The following TMEM255B variants were observed in gnomAD, a reference collection of about 807,000 sequenced individuals.
The protein encoded by TMEM255B is family with sequence similarity 70, member B.
TMEM255B carries 35 observed loss-of-function variants against 34.5 expected under a neutral mutation model. The ratio of observed to expected loss-of-function variants is 1.01; its 90% CI spans 0.77 to 1.34. The LOEUF is 1.34. Among genes scored for constraint, TMEM255B ranks in the 40% most tolerant of loss-of-function variants. TMEM255B has a pLI of 0.00. For synonymous variants in TMEM255B, 206 were observed against 201.2 expected (o/e 1.02, Z -0.20); for missense variants, 432 against 433.2 (o/e 1.00, Z 0.02).
At position 113,811,786 on chromosome 13, in the gene TMEM255B, G is replaced by C; in HGVS notation, c.864G>C (p.Glu288Asp). ...VAPSSALASS[E>D]DLQPPSPSSS... ...CCTCCTCTGCCCTGGCTTCGTCTGA[G>C]GACCTGCAGCCCCCTTCTCCAAGCA... The change falls in exon 9 of 9, where the codon GAG becomes GAC. Residue 288 changes from glutamate (E) to aspartate (D), a missense_variant. Coordinates refer to ENST00000375353, the MANE Select transcript of TMEM255B (RefSeq NM_182614.4). 4.3e-6 allele frequency: 7 copies of C among 1,613,908 alleles called. No homozygotes were observed. The highest frequency in any genetic ancestry group is 5.9e-6 in the Non-Finnish European group (7 of 1,179,894).
intron 2 of TMEM255B, chr13:113,766,576 C>T (rs1184070491): frequency 7.2e-6 from 3 of 415,064 alleles, no homozygotes; most frequent in Admixed American, 3.8e-5. Context: ...GGGCCAGAGC[C>T]CGGCAACAGG....
chr13:113,769,140 G>C lies in TMEM255B; in HGVS notation c.232G>C (p.Val78Leu). 7 of 1,614,162 alleles carry C rather than the reference G, an allele frequency of 4.3e-6. No individual in the cohort carries two copies. Among genetic ancestry groups the C allele is most frequent in the Non-Finnish European group, 5.9e-6 (7 of 1,180,008 alleles). ...SFLGIIGINL[V>L]ENRRQMLVAA... ...CTTAGGAATTATTGGCATCAACTTG[G>C]TGGAGAATAGAAGGCAAATGGTAAG... The change falls in exon 3 of 9, where the codon GTG (valine) becomes CTG (leucine). Residue 78 changes from valine to leucine, a missense_variant. Val to Leu is a conservative substitution (Grantham distance 32, BLOSUM62 1). Coordinates refer to ENST00000375353, the MANE Select transcript of TMEM255B (RefSeq NM_182614.4). This position sits in a 1 kb window ranked among gnomAD's most constrained non-coding sequence, Gnocchi z 4.2.
At chr13:113,760,056 A>C (rs1282221334) in intron 1 of TMEM255B, among the ~76,000 whole-genome samples, 1 of 152,114 alleles carries the variant, frequency 6.6e-6, no homozygotes, top group Non-Finnish European at 1.5e-5. Context: ...TTTCAGAACA[A>C]AAGAGAAACA....
At chr13:113,800,950 G>A (rs553476183) in intron 6 of TMEM255B, 38 bp downstream of exon 6, 1 of 1,205,370 alleles carries the variant, frequency 8.3e-7, no homozygotes, top group Non-Finnish European at 1.1e-6. Context: ...TACACCTGCG[G>A]GAGGTGAGGG....
intron 3 of TMEM255B, among the ~76,000 whole-genome samples, chr13:113,772,067 G>A (rs1169757480): frequency 6.6e-6 from 1 of 152,110 alleles, no homozygotes; most frequent in African/African-American, 2.4e-5. Flanking sequence ...ATCTCATTGT[G>A]GTTTTGATTG....
At chr13:113,781,938 C>T (rs2050671530) in intron 3 of TMEM255B, among the ~76,000 whole-genome samples, 1 of 152,170 alleles carries the variant, frequency 6.6e-6, no homozygotes, top group Non-Finnish European at 1.5e-5. Flanking sequence ...TTCTTTAATA[C>T]CTTTTTGCAT....
rs1566722311 is a variant in TMEM255B, at chr13:113,770,764, C to T, written c.252+1604C>T. 6.6e-6 allele frequency among the ~76,000 whole-genome samples: 1 copy of T among 152,104 alleles called. No homozygotes were observed. On this transcript the variant is annotated intron_variant, in intron 3 of 8. Coordinates refer to ENST00000375353, the MANE Select transcript of TMEM255B (RefSeq NM_182614.4). The surrounding 1 kb of genome is among the most constrained non-coding windows in gnomAD (Gnocchi z 4.6). ...ACAGAATGGTGTTGGAAACAGACGC[C>T]ACCTTTGGGAGCCAGCATGCCCCCA...
At chr13:113,778,133 A>G (rs1368099367) in intron 3 of TMEM255B, among the ~76,000 whole-genome samples, 1 of 152,242 alleles carries the variant, frequency 6.6e-6, no homozygotes. Context: ...GCCCTCCAGC[A>G]GGATCGGTGC....
rs936197876 is a variant in TMEM255B, at chr13:113,816,735, G to A, written c.*4832G>A. 4 of 152,328 alleles carry A rather than the reference G, an allele frequency of 2.6e-5. No homozygotes were observed. The highest frequency in any genetic ancestry group is 4.8e-5 in the African/African-American group (2 of 41,548). The allele number at this position is 152,328 out of a possible 1,614,324, so 9.4% of individuals were successfully genotyped here. A position where few individuals can be genotyped will look rare whatever the true frequency, so the allele number is the denominator to read the frequency against. On this transcript the variant is annotated 3_prime_UTR_variant, in exon 9 of 9. Transcript: ENST00000375353. ...TCAGCAGATCCTCAGACGGCGACACGCGCCACTTCCTTTTCTGTTTCCTAG... is the reference window on the plus strand; with the variant it reads ...TCAGCAGATCCTCAGACGGCGACACACGCCACTTCCTTTTCTGTTTCCTAG...
intron 3 of TMEM255B, among the ~76,000 whole-genome samples, chr13:113,789,040 G>A (rs1390962577): frequency 2.0e-5 from 3 of 151,900 alleles, no homozygotes; most frequent in African/African-American, 7.3e-5. Flanking sequence ...GTCTCTGCTC[G>A]AATGTCCCAG....
rs573599995 is a variant in TMEM255B, at chr13:113,815,357, A to G, written c.*3454A>G. ...ACCGGCCACGGAGAGAGGAAGGGACATGGGTGACGGTCCGTCCACATGGGG... is the reference window on the plus strand; with the variant it reads ...ACCGGCCACGGAGAGAGGAAGGGACGTGGGTGACGGTCCGTCCACATGGGG... On this transcript the variant is annotated 3_prime_UTR_variant, in exon 9 of 9. Coordinates refer to ENST00000375353, the MANE Select transcript of TMEM255B (RefSeq NM_182614.4). 3 of 149,404 alleles carry G rather than the reference A, an allele frequency of 2.0e-5. No individual in the cohort carries two copies. Among genetic ancestry groups the G allele is most frequent in the African/African-American group, 7.5e-5 (3 of 39,770 alleles). The allele number at this position is 149,404 out of a possible 1,614,324, so 9.3% of individuals were successfully genotyped here. A position where few individuals can be genotyped will look rare whatever the true frequency, so the allele number is the denominator to read the frequency against.
At chr13:113,774,585 ACAC>A (rs141880607) in intron 3 of TMEM255B, among the ~76,000 whole-genome samples, 3,005 of 126,318 alleles carry the variant, frequency 0.024, 56 homozygotes, top group Middle Eastern at 0.035. Context: ...CACACACACC[ACAC>A]AACACACAAA....
In TMEM255B at chr13:113,812,982, T is replaced by TGGGTCACAGGTCCCGGGTGGGTCACAGGC. The variant is rs1566342299; in HGVS notation, c.*1079_*1080insGGGTCACAGGTCCCGGGTGGGTCACAGGC. ...TCACGGGCCCCGGGTGGGTCACGGG[T>TGGGTCACAGGTCCCGGGTGGGTCACAGGC]CCCGGGTGGGTCACGGGTCCCGAGT... On this transcript the variant is annotated 3_prime_UTR_variant, in exon 9 of 9. Coordinates refer to ENST00000375353, the MANE Select transcript of TMEM255B (RefSeq NM_182614.4). 1.4e-4 allele frequency: 15 copies of TGGGTCACAGGTCCCGGGTGGGTCACAGGC among 110,756 alleles called. 1 individual carries two copies. Among genetic ancestry groups the TGGGTCACAGGTCCCGGGTGGGTCACAGGC allele is most frequent in the African/African-American group, 6.7e-4 (15 of 22,398 alleles). 6.9% of individuals were successfully genotyped at this position (110,756 alleles called of 1,614,324 possible).
At chr13:113,786,247 T>C (rs1038808730) in intron 3 of TMEM255B, among the ~76,000 whole-genome samples, 1 of 151,958 alleles carries the variant, frequency 6.6e-6, no homozygotes, top group Non-Finnish European at 1.5e-5. Context: ...ATTGCCATCA[T>C]CACCATCCTG....
chr13:113,815,318 G>A lies in TMEM255B; in HGVS notation c.*3415G>A, dbSNP rs1484771014. ...GAGGAAGGGACATGGGTGACGGTCC[G>A]TCCACGTGGGGTCACCGGCCACGGA... On this transcript the variant is annotated 3_prime_UTR_variant, in exon 9 of 9. Coordinates refer to ENST00000375353, the MANE Select transcript of TMEM255B (RefSeq NM_182614.4). 5 of 148,826 alleles carry A rather than the reference G, an allele frequency of 3.4e-5. No homozygotes were observed. The highest frequency in any genetic ancestry group is 1.0e-4 in the African/African-American group (4 of 39,158). The allele number at this position is 148,826 out of a possible 1,614,324, so 9.2% of individuals were successfully genotyped here. A position where few individuals can be genotyped will look rare whatever the true frequency, so the allele number is the denominator to read the frequency against.
chr13:113,774,168 C>T (rs1483277697), intron 3 of TMEM255B, among the ~76,000 whole-genome samples: 5 of 151,776 alleles, frequency 3.3e-5, no homozygotes, highest in East Asian at 3.9e-4. Context: ...AAATGCCAGA[C>T]GTGGCATCAT....
chr13:113,802,170 T>C (rs1490896405), intron 7 of TMEM255B, among the ~76,000 whole-genome samples: 1 of 152,232 alleles, frequency 6.6e-6, no homozygotes, highest in Non-Finnish European at 1.5e-5. Context: ...GGGCTGGGGC[T>C]GAGCTGATGC....
chr13:113,800,162 ATG>A (rs2051019749), intron 5 of TMEM255B: 4 of 306,586 alleles, frequency 1.3e-5, no homozygotes, highest in African/African-American at 5.0e-5. Context: ...GTGTATGTGT[ATG>A]TGTGTGTGGA....
At chr13:113,808,041 C>G (rs1228172636) in intron 8 of TMEM255B, among the ~76,000 whole-genome samples, 2 of 152,200 alleles carry the variant, frequency 1.3e-5, no homozygotes, top group African/African-American at 4.8e-5. Context: ...GCTTAATATA[C>G]GCACGCTGAT....
Sources: gnomAD v4.1 joint callset for allele counts (sites outside exome capture counted in the v4.1 genomes callset) on GRCh38, gnomAD v4.1.1 for gene constraint, Gnocchi (gnomAD v3.1) non-coding constraint, MANE v1.5 for transcripts, NCBI Gene and HGNC (gene_info 2026-07-23, HGNC 2026-07-21) for gene names.